ZNF365: variants seen among roughly 807,000 people sequenced by gnomAD.
ZNF365 encodes protein ZNF365.
In ZNF365, 22 loss-of-function variants were observed where a neutral mutation model predicts 35.0. That is an observed-to-expected ratio of 0.63 (90% CI 0.45 to 0.90). The LOEUF is 0.90. ZNF365 is among the 40% of genes least tolerant of loss of function. ZNF365 has a pLI of 0.00. For missense variants in ZNF365, 448 were observed against 500.3 expected, an observed-to-expected ratio of 0.90 and a Z score of 1.00; for synonymous variants, 188 against 196.2, an observed-to-expected ratio of 0.96 and a Z score of 0.35.
intron 3 of ZNF365, among the ~76,000 whole-genome samples, chr10:62,422,968 G>C (rs4636539): frequency 1.3e-5 from 2 of 151,922 alleles, no homozygotes; most frequent in African/African-American, 2.4e-5. Context: ...AAATATCCCT[G>C]ATGAGTTGTC....
downstream of ZNF365, among the ~76,000 whole-genome samples, chr10:62,404,609 C>T (rs1449295313): frequency 2.2e-4 from 33 of 152,130 alleles, no homozygotes; most frequent in Admixed American, 6.5e-5. Flanking sequence ...TGAGAGGTGA[C>T]CTTAGTCTGC....
At chr10:62,421,015 T>C (rs1433160653) in intron 3 of ZNF365, among the ~76,000 whole-genome samples, 3 of 151,928 alleles carry the variant, frequency 2.0e-5, no homozygotes, top group African/African-American at 7.3e-5. Flanking sequence ...ATAAACCATT[T>C]TGTACCAGAA....
At chr10:62,424,769 T>C (rs1051711045) in intron 3 of ZNF365, among the ~76,000 whole-genome samples, 2 of 152,218 alleles carry the variant, frequency 1.3e-5, no homozygotes, top group Admixed American at 6.5e-5. Context: ...AGTGCCCCAG[T>C]TGGGGACTTA....
Position 62,400,323 on chromosome 10 carries a change from T to G in ZNF365, c.*534T>G. The G allele has an allele frequency of 1.0e-6, 1 of 986,590 alleles. No homozygotes were observed. The highest frequency in any genetic ancestry group is 1.2e-6 in the Non-Finnish European group (1 of 830,368). The allele number at this position is 986,590 out of a possible 1,614,324, so 61.1% of individuals were successfully genotyped here. ...CCCATTCCCCGAGTATTCTGGTTAA[T>G]CAAGATTTCAATTTCTGGGTTGCTC... On this transcript the variant is annotated 3_prime_UTR_variant, in exon 5 of 5. Coordinates refer to ENST00000395254, the MANE Select transcript of ZNF365 (RefSeq NM_014951.3).
At chr10:62,459,790 A>T (rs1257314450) in exon 4 of ZNF365, 2 of 1,609,762 alleles carry the variant, frequency 1.2e-6, no homozygotes, top group South Asian at 1.1e-5. Context: ...AATGACCTGG[A>T]ATTGGAGGTA....
At chr10:62,459,716 G>T in intron 3 of ZNF365, 1 of 1,598,778 alleles carries the variant, frequency 6.3e-7, no homozygotes, top group South Asian at 1.1e-5. Context: ...CATTCATGAT[G>T]GCAGTACCCT....
At chr10:62,394,656 T>C (rs1839691851) in intron 3 of ZNF365, among the ~76,000 whole-genome samples, 1 of 152,090 alleles carries the variant, frequency 6.6e-6, no homozygotes, top group African/African-American at 2.4e-5. Context: ...AACAAGAACA[T>C]AAATGCTCAA....
intron 3 of ZNF365, among the ~76,000 whole-genome samples, chr10:62,428,523 T>C (rs1840284124): frequency 7.8e-6 from 1 of 128,534 alleles, no homozygotes; most frequent in South Asian, 2.6e-4. Flanking sequence ...TCAGCCATGA[T>C]TGTAAGTTTC....
chr10:62,431,404 G>A (rs76162642), intron 3 of ZNF365, among the ~76,000 whole-genome samples: 1,799 of 152,140 alleles, frequency 0.012, 26 homozygotes, highest in African/African-American at 0.037. Context: ...TTCTTGTTTC[G>A]CTTCATATCA....
chr10:62,383,013 C>T (rs1564567776), intron 2 of ZNF365, among the ~76,000 whole-genome samples: 2 of 152,166 alleles, frequency 1.3e-5, no homozygotes, highest in Admixed American at 1.3e-4. Flanking sequence ...TTAGATCCCA[C>T]CCCCTACTCC....
In ZNF365 at chr10:62,401,489, G is replaced by C. The variant is rs973789436; in HGVS notation, c.*1700G>C. ...CTTCACTTTGACTTTCAGTTTATGG[G>C]GGGGGTAGATCATTCATGTGATATA... On this transcript the variant is annotated 3_prime_UTR_variant, in exon 5 of 5. Coordinates refer to ENST00000395254, the MANE Select transcript of ZNF365 (RefSeq NM_014951.3). 5.1e-6 allele frequency: 5 copies of C among 984,084 alleles called. No homozygotes were observed. Among genetic ancestry groups the C allele is most frequent in the Admixed American group, 6.2e-5 (1 of 16,250 alleles). 61.0% of individuals were successfully genotyped at this position (984,084 alleles called of 1,614,324 possible). A position where few individuals can be genotyped will look rare whatever the true frequency, so the allele number is the denominator to read the frequency against.
Position 62,388,537 on chromosome 10 carries a change from G to T in ZNF365, c.885G>T (p.Gln295His). Residue 295 changes from glutamine (Q) to histidine (H), a missense_variant, in exon 3 of 5, where the codon CAG (glutamine) becomes CAT (histidine). Physicochemically the swap from Gln to His is conservative, Grantham distance 24. This residue lies in a region of ZNF365 where 362 missense variants were observed against 375.7 expected (regional missense o/e 0.96). Coordinates refer to ENST00000395254, the MANE Select transcript of ZNF365 (RefSeq NM_014951.3). ...AGCAGCTTGAGTACTATCAGAGCCA[G>T]CAGGCCTCTGGCTTTGTCCGTGATC... ...AEKQLEYYQSQQASGFVRDLS... is the reference protein window; with the variant it reads ...AEKQLEYYQSHQASGFVRDLS... 1 of 1,614,094 alleles carries T rather than the reference G, an allele frequency of 6.2e-7. No individual in the cohort carries two copies. Among genetic ancestry groups the T allele is most frequent in the Admixed American group, 1.7e-5 (1 of 60,022 alleles).
intron 3 of ZNF365, among the ~76,000 whole-genome samples, chr10:62,420,736 A>G (rs1423347371): frequency 6.6e-6 from 1 of 151,776 alleles, no homozygotes; most frequent in Non-Finnish European, 1.5e-5. Context: ...CTGGTTTTGT[A>G]TGCACCTAAT....
chr10:62,465,410 G>T (rs902637004), intron 4 of ZNF365, among the ~76,000 whole-genome samples: 1 of 152,184 alleles, frequency 6.6e-6, no homozygotes, highest in Non-Finnish European at 1.5e-5. Context: ...GGGCAGACAG[G>T]TTCCTAGGTG....
At chr10:62,397,242 TC>T in intron 3 of ZNF365, among the ~76,000 whole-genome samples, 1 of 151,258 alleles carries the variant, frequency 6.6e-6, no homozygotes. Flanking sequence ...AACACAAGAA[TC>T]CTATCTTGTC....
At chr10:62,377,569 A>AT (rs71472207) in intron 2 of ZNF365, among the ~76,000 whole-genome samples, 16,027 of 151,366 alleles carry the variant, frequency 0.11, 1,112 homozygotes, top group African/African-American at 0.19. Flanking sequence ...CAAATGATGT[A>AT]TTTTTTTTTG....
At chr10:62,423,928 T>C (rs1361298176) in intron 3 of ZNF365, among the ~76,000 whole-genome samples, 1 of 152,202 alleles carries the variant, frequency 6.6e-6, no homozygotes, top group Non-Finnish European at 1.5e-5. Context: ...TTTTGCACAA[T>C]GCAATGAAGT....
intron 3 of ZNF365, among the ~76,000 whole-genome samples, chr10:62,459,556 G>A (rs1240440445): frequency 6.6e-6 from 1 of 152,202 alleles, no homozygotes; most frequent in African/African-American, 2.4e-5. Context: ...CAATAAAAAG[G>A]CAAAGTGATA....
downstream of ZNF365, among the ~76,000 whole-genome samples, chr10:62,403,693 A>C (rs1839865881): frequency 6.6e-6 from 1 of 152,154 alleles, no homozygotes; most frequent in Non-Finnish European, 1.5e-5. Flanking sequence ...ACAAAAAAAG[A>C]ACTGGACCCA....
Sources: gnomAD v4.1 joint callset for allele counts (sites outside exome capture counted in the v4.1 genomes callset) on GRCh38, gnomAD v4.1.1 for gene constraint, gnomAD v4.1.1 regional missense constraint, MANE v1.5 for transcripts, NCBI Gene and HGNC (gene_info 2026-07-23, HGNC 2026-07-21) for gene names.